The following EPHB2 variants were observed in gnomAD, a reference collection of about 807,000 sequenced individuals.
EPHB2 encodes ephrin type-B receptor 2.
A neutral mutation model predicts 96.4 loss-of-function variants in EPHB2; 18 were observed. The ratio of observed to expected loss-of-function variants is 0.19; its 90% CI spans 0.13 to 0.28. The LOEUF is 0.28. Ranked by LOEUF, EPHB2 falls within the 10% of genes least tolerant of loss-of-function variation. The probability of loss-of-function intolerance (pLI) is 1.00; values close to 1 mark genes in which losing one functional copy is unlikely to be tolerated. For synonymous variants in EPHB2, 506 were observed against 534.1 expected (o/e 0.95, Z 0.72); for missense variants, 989 against 1,355.4 (o/e 0.73, Z 4.25).
chr1:22,805,970 G>A (rs1414634503), intron 3 of EPHB2, among the ~76,000 whole-genome samples: 3 of 152,142 alleles, frequency 2.0e-5, no homozygotes, highest in South Asian at 4.1e-4. Context: ...ATCCATGCCC[G>A]CAGAGCCCTC....
At chr1:22,890,062 G>C (rs1639343548) in intron 6 of EPHB2, among the ~76,000 whole-genome samples, 1 of 152,170 alleles carries the variant, frequency 6.6e-6, no homozygotes, top group Non-Finnish European at 1.5e-5. Context: ...AAAATGGTGG[G>C]TCATGAAGGG....
At chr1:22,854,369 A>G (rs1557714171) in intron 3 of EPHB2, among the ~76,000 whole-genome samples, 1 of 152,092 alleles carries the variant, frequency 6.6e-6, no homozygotes, top group African/African-American at 2.4e-5. Context: ...AAAATTAGCC[A>G]GGCATGGTGG....
intron 5 of EPHB2, among the ~76,000 whole-genome samples, chr1:22,880,913 C>T (rs931287147): frequency 6.6e-6 from 1 of 152,218 alleles, no homozygotes; most frequent in African/African-American, 2.4e-5. Context: ...GGACCTACCT[C>T]GGCACCTCAG....
intron 6 of EPHB2, among the ~76,000 whole-genome samples, chr1:22,887,655 C>G (rs1302955080): frequency 6.6e-6 from 1 of 152,188 alleles, no homozygotes; most frequent in Admixed American, 6.5e-5. Flanking sequence ...TCCGTCAGTT[C>G]CAACGCCCCA....
chr1:22,825,654 C>T (rs1483126814), intron 3 of EPHB2, among the ~76,000 whole-genome samples: 2 of 152,230 alleles, frequency 1.3e-5, no homozygotes, highest in Non-Finnish European at 2.9e-5. Flanking sequence ...CTCAGAAAAC[C>T]TGACATCTGG....
intron 3 of EPHB2, among the ~76,000 whole-genome samples, chr1:22,787,017 G>T (rs1644621281): frequency 6.6e-6 from 1 of 152,202 alleles, no homozygotes; most frequent in African/African-American, 2.4e-5. Flanking sequence ...TTGATGGTTT[G>T]TTCAGTCATC....
chr1:22,882,869 CAG>C (rs1639096960), intron 6 of EPHB2: 1 of 320,278 alleles, frequency 3.1e-6, no homozygotes, highest in Non-Finnish European at 6.1e-6. Flanking sequence ...TCTTCTTCGA[CAG>C]AGATTTGAAA....
Position 22,906,192 on chromosome 1 carries a change from G to C in EPHB2, c.1888+83G>C, listed in dbSNP as rs1429385440. The C allele has an allele frequency of 6.2e-7, 1 of 1,603,028 alleles. No individual in the cohort carries two copies. The highest frequency in any genetic ancestry group is 1.3e-5 in the African/African-American group (1 of 74,784). ...CCCAATGTATACCCTTGGGGCAGAA[G>C]GTAGGATGTGGGACAGGCGCCTCAA... On this transcript the variant is annotated intron_variant, in intron 10 of 15. Coordinates refer to ENST00000374630, the MANE Select transcript of EPHB2 (RefSeq NM_017449.5). The surrounding 1 kb of genome is among the most constrained non-coding windows in gnomAD (Gnocchi z 4.8).
Position 22,920,532 on chromosome 1 carries a change from C to G in EPHB2, c.*6962C>G, listed in dbSNP as rs962419525. The stretch of plus-strand genomic sequence containing the variant: ...CAGCCTTCGCCCCCTTCCAAGACCC[C>G]CCTTGACCTTTCTAATCTTAGTCAC... On this transcript the variant is annotated 3_prime_UTR_variant, in exon 16 of 16. Transcript: ENST00000374630. 6.5e-6 allele frequency: 1 copy of G among 152,950 alleles called. No individual in the cohort carries two copies. Among genetic ancestry groups the G allele is most frequent in the African/African-American group, 2.4e-5 (1 of 41,470 alleles). The allele number at this position is 152,950 out of a possible 1,614,324, so 9.5% of individuals were successfully genotyped here.
At chr1:22,907,397 G>A (rs935271314) in intron 11 of EPHB2, among the ~76,000 whole-genome samples, 2 of 152,198 alleles carry the variant, frequency 1.3e-5, no homozygotes, top group Admixed American at 6.5e-5. Flanking sequence ...AGATTTTGGA[G>A]TTCTCCAAAG....
chr1:22,744,539 G>T (rs956275864), intron 1 of EPHB2, among the ~76,000 whole-genome samples: 3 of 149,866 alleles, frequency 2.0e-5, no homozygotes, highest in Non-Finnish European at 4.4e-5. Context: ...TCTAAGCTGG[G>T]CATGGTGGTG....
intron 1 of EPHB2, among the ~76,000 whole-genome samples, chr1:22,721,564 C>T (rs1441689176): frequency 6.6e-6 from 1 of 152,192 alleles, no homozygotes; most frequent in Non-Finnish European, 1.5e-5. Flanking sequence ...TGTTGTCACA[C>T]AGGAATCTGT....
At chr1:22,738,894 G>A (rs1643871748) in intron 1 of EPHB2, among the ~76,000 whole-genome samples, 1 of 152,186 alleles carries the variant, frequency 6.6e-6, no homozygotes, top group Non-Finnish European at 1.5e-5. Flanking sequence ...GTTTGGACCT[G>A]CAGCCCTGGG....
At chr1:22,842,674 G>T (rs1365484335) in intron 3 of EPHB2, among the ~76,000 whole-genome samples, 2 of 152,118 alleles carry the variant, frequency 1.3e-5, no homozygotes, top group East Asian at 3.9e-4. Flanking sequence ...CCTTCCTCCT[G>T]CTCTGCCCTG....
At chr1:22,831,131 A>G (rs1017028423) in intron 3 of EPHB2, among the ~76,000 whole-genome samples, 3 of 152,186 alleles carry the variant, frequency 2.0e-5, no homozygotes, top group Non-Finnish European at 2.9e-5. Flanking sequence ...TACTGACTGC[A>G]TCTTTGCAGG....
intron 6 of EPHB2, among the ~76,000 whole-genome samples, chr1:22,886,171 A>T (rs1639217941): frequency 6.6e-6 from 1 of 152,326 alleles, no homozygotes; most frequent in Non-Finnish European, 1.5e-5. Context: ...AGTGACACTT[A>T]AGCTGAGTCT....
At chr1:22,850,870 A>T (rs1645616143) in intron 3 of EPHB2, among the ~76,000 whole-genome samples, 1 of 152,236 alleles carries the variant, frequency 6.6e-6, no homozygotes, top group Admixed American at 6.5e-5. Context: ...TGGTGTTCTC[A>T]GGGCAGCCAA....
At chr1:22,778,892 C>T (rs1644489686) in intron 1 of EPHB2, among the ~76,000 whole-genome samples, 2 of 152,364 alleles carry the variant, frequency 1.3e-5, no homozygotes, top group African/African-American at 4.8e-5. Context: ...ATGAGGATGT[C>T]AGTTCCTGGC....
intron 1 of EPHB2, among the ~76,000 whole-genome samples, chr1:22,754,564 GC>G (rs1294285772): frequency 6.6e-6 from 1 of 151,408 alleles, no homozygotes; most frequent in Admixed American, 6.6e-5. Context: ...AAAAGGTGGC[GC>G]GAGGTGTGCA....
Sources: allele counts gnomAD v4.1 joint callset (sites outside exome capture counted in the v4.1 genomes callset), GRCh38; gene constraint gnomAD v4.1.1; non-coding constraint Gnocchi (gnomAD v3.1); transcripts MANE v1.5; gene names NCBI Gene and HGNC (gene_info 2026-07-23, HGNC 2026-07-21).